Variants in TAFA1 observed in about 807,000 individuals in gnomAD.
TAFA1 encodes TAFA chemokine like family member 1.
TAFA1 carries 4 observed loss-of-function variants against 18.5 expected under a neutral mutation model. That is an observed-to-expected ratio of 0.22 (90% CI 0.11 to 0.49). TAFA1 has a LOEUF of 0.49. Ranked by LOEUF, TAFA1 falls within the 20% of genes least tolerant of loss-of-function variation. The pLI, the probability that TAFA1 is intolerant of heterozygous loss-of-function variation, is 0.98. For missense variants in TAFA1, 147 were observed against 169.0 expected, an observed-to-expected ratio of 0.87 and a Z score of 0.72; for synonymous variants, 56 against 55.2, an observed-to-expected ratio of 1.01 and a Z score of -0.06.
chr3:68,091,129 T>A (rs2065025288), intron 2 of TAFA1, among the ~76,000 whole-genome samples: 1 of 152,134 alleles, frequency 6.6e-6, no homozygotes, highest in Admixed American at 6.5e-5. Context: ...ATTTACCCTA[T>A]AAAATGACAA....
At chr3:68,039,214 C>T (rs1031779745) in intron 2 of TAFA1, among the ~76,000 whole-genome samples, 1 of 152,124 alleles carries the variant, frequency 6.6e-6, no homozygotes, top group African/African-American at 2.4e-5. Flanking sequence ...TTGTTGAAAT[C>T]TTAGATTTTA....
chr3:68,161,374 A>G (rs1181747427), intron 2 of TAFA1, among the ~76,000 whole-genome samples: 1 of 152,190 alleles, frequency 6.6e-6, no homozygotes, highest in Non-Finnish European at 1.5e-5. Flanking sequence ...CTCAAAGAGT[A>G]GTCTCCAAAC....
intron 2 of TAFA1, among the ~76,000 whole-genome samples, chr3:68,068,232 T>C (rs2064707683): frequency 6.6e-6 from 1 of 152,210 alleles, no homozygotes; most frequent in African/African-American, 2.4e-5. Context: ...AAGTGATACA[T>C]ATAAAATAAG....
At chr3:68,120,355 T>C (rs2065384798) in intron 2 of TAFA1, among the ~76,000 whole-genome samples, 1 of 151,948 alleles carries the variant, frequency 6.6e-6, no homozygotes, top group Admixed American at 6.6e-5. Context: ...GTTCAAGTGA[T>C]TCTCATGCCT....
chr3:68,286,527 G>A (rs1346309119), intron 2 of TAFA1, among the ~76,000 whole-genome samples: 4 of 152,112 alleles, frequency 2.6e-5, no homozygotes, highest in African/African-American at 9.7e-5. Context: ...GTAGACAAAG[G>A]AACTAGAGAC....
intron 2 of TAFA1, among the ~76,000 whole-genome samples, chr3:68,289,717 A>G (rs2068075966): frequency 6.6e-6 from 1 of 152,210 alleles, no homozygotes; most frequent in Non-Finnish European, 1.5e-5. Flanking sequence ...CAAATTTTGC[A>G]GATGAATAGA....
chr3:68,143,767 T>A (rs1046050692), intron 2 of TAFA1, among the ~76,000 whole-genome samples: 7 of 152,120 alleles, frequency 4.6e-5, no homozygotes, highest in African/African-American at 1.7e-4. Context: ...ATGAATCTTG[T>A]TTTAAATTAA....
At chr3:68,032,372 C>T (rs560430178) in intron 2 of TAFA1, among the ~76,000 whole-genome samples, 1 of 152,274 alleles carries the variant, frequency 6.6e-6, no homozygotes, top group South Asian at 2.1e-4. Context: ...TTCCCTCTGA[C>T]TCTCATGCCA....
At chr3:68,259,611 A>C (rs947152771) in intron 2 of TAFA1, among the ~76,000 whole-genome samples, 3 of 151,936 alleles carry the variant, frequency 2.0e-5, no homozygotes, top group African/African-American at 4.8e-5. Flanking sequence ...CTTTTATTTC[A>C]TTGAGCAGTG....
chr3:68,155,398 T>G (rs2065856183), intron 2 of TAFA1, among the ~76,000 whole-genome samples: 1 of 152,204 alleles, frequency 6.6e-6, no homozygotes, highest in African/African-American at 2.4e-5. Flanking sequence ...TTGTAGATTC[T>G]GTCTTGCTTA....
chr3:68,076,087 T>G (rs1294067275), intron 2 of TAFA1, among the ~76,000 whole-genome samples: 3 of 152,134 alleles, frequency 2.0e-5, no homozygotes, highest in Admixed American at 6.5e-5. Flanking sequence ...CACAGAAATG[T>G]GGTTTTTGTT....
intron 3 of TAFA1, among the ~76,000 whole-genome samples, chr3:68,430,664 A>G (rs989509333): frequency 2.6e-5 from 4 of 151,930 alleles, no homozygotes; most frequent in Non-Finnish European, 5.9e-5. Context: ...ACTTCAGACA[A>G]TGCCAAAGCA....
chr3:68,503,697 G>A (rs939088119), intron 3 of TAFA1, among the ~76,000 whole-genome samples: 2 of 152,008 alleles, frequency 1.3e-5, no homozygotes, highest in Admixed American at 6.6e-5. Flanking sequence ...GAATTTTACC[G>A]AATCGTTTTT....
intron 2 of TAFA1, among the ~76,000 whole-genome samples, chr3:68,350,890 T>A (rs1318100485): frequency 6.6e-6 from 1 of 152,098 alleles, no homozygotes. Flanking sequence ...CCAAGACCCT[T>A]GTAGCTGGGA....
chr3:68,212,900 A>T (rs180851991), intron 2 of TAFA1, among the ~76,000 whole-genome samples: 44 of 152,096 alleles, frequency 2.9e-4, no homozygotes, highest in Non-Finnish European at 5.2e-4. Flanking sequence ...GCTGGGTGGG[A>T]TTGTAGCCCA....
intron 2 of TAFA1, among the ~76,000 whole-genome samples, chr3:68,326,825 C>T (rs1261948508): frequency 6.6e-6 from 1 of 152,088 alleles, no homozygotes; most frequent in Non-Finnish European, 1.5e-5. Flanking sequence ...TAAATAGGGG[C>T]TGAGAGATGT....
chr3:68,147,971 A>T (rs1583659), intron 2 of TAFA1, among the ~76,000 whole-genome samples: 3 of 152,000 alleles, frequency 2.0e-5, no homozygotes, highest in Non-Finnish European at 4.4e-5. Flanking sequence ...AAATAAATCA[A>T]TTATTTGGTG....
At chr3:68,284,300 G>A (rs2067957239) in intron 2 of TAFA1, among the ~76,000 whole-genome samples, 1 of 152,030 alleles carries the variant, frequency 6.6e-6, no homozygotes, top group Admixed American at 6.6e-5. Flanking sequence ...TGCTATCACT[G>A]CAAATCCATC....
chr3:68,234,662 TAG>T (rs1222402889), intron 2 of TAFA1, among the ~76,000 whole-genome samples: 3 of 152,214 alleles, frequency 2.0e-5, no homozygotes, highest in African/African-American at 7.2e-5. Flanking sequence ...CCTTTCAAGA[TAG>T]AGTCGAGTCA....
Sources: allele counts gnomAD v4.1 joint callset (sites outside exome capture counted in the v4.1 genomes callset), GRCh38; gene constraint gnomAD v4.1.1; transcripts MANE v1.5; gene names NCBI Gene and HGNC (gene_info 2026-07-23, HGNC 2026-07-21).